GOLGA8A: variants seen among roughly 807,000 people sequenced by gnomAD.
GOLGA8A encodes golgin subfamily A member 8A.
In GOLGA8A, 3 loss-of-function variants were observed where a neutral mutation model predicts 22.1. That is an observed-to-expected ratio of 0.14 (90% CI 0.06 to 0.35). The LOEUF is 0.35. GOLGA8A is among the 10% of genes least tolerant of loss of function. GOLGA8A has a pLI of 1.00. For missense variants in GOLGA8A, 16 were observed against 233.2 expected (o/e 0.07, Z 6.07); for synonymous variants, 7 against 91.7 (o/e 0.08, Z 5.28).
chr15:34,379,732 T>C lies in GOLGA8A; in HGVS notation c.*1679A>G, dbSNP rs1294053275. The C allele has an allele frequency of 1.3e-5, 2 of 152,640 alleles. No homozygotes were observed. The highest frequency in any genetic ancestry group is 4.8e-5 in the African/African-American group (2 of 41,466). 9.5% of individuals were successfully genotyped at this position (152,640 alleles called of 1,614,324 possible). A position where few individuals can be genotyped will look rare whatever the true frequency, so the allele number is the denominator to read the frequency against. On this transcript the variant is annotated 3_prime_UTR_variant, in exon 25 of 25. Transcript: ENST00000359187. Reference sequence around the variant, plus strand: ...CATATCTCCCTACAACCTAATAATGTGATGTGTTTTGGAACACAGACATTA... The same window carrying C: ...CATATCTCCCTACAACCTAATAATGCGATGTGTTTTGGAACACAGACATTA...
chr15:34,429,476 C>G lies in GOLGA8A; in HGVS notation c.-1123+5907G>C, dbSNP rs3866563. Among the ~76,000 whole-genome samples the G allele has an allele frequency of 7.7e-3, 1,114 of 144,732 alleles. 59 individuals are homozygous for G. The highest frequency in any genetic ancestry group is 0.02 in the African/African-American group (759 of 38,500). 94.9% of individuals were successfully genotyped at this position (144,732 alleles called of 152,430 possible). ...GGGCTCTTCTGGCCTGGGCTCTGAA[C>G]GGGCAAACCCACCCACTCTTCTAGG... On this transcript the variant is annotated intron_variant, in intron 2 of 24. Coordinates refer to ENST00000359187, the MANE Select transcript of GOLGA8A (RefSeq NM_181077.5).
intron 2 of GOLGA8A, among the ~76,000 whole-genome samples, chr15:34,431,368 CACTT>C (rs995054504): frequency 2.2e-5 from 3 of 134,694 alleles, no homozygotes; most frequent in African/African-American, 8.5e-5. Flanking sequence ...ACACTCGTGT[CACTT>C]AACGACAGGC....
intron 2 of GOLGA8A, among the ~76,000 whole-genome samples, chr15:34,413,052 G>A (rs1892493905): frequency 2.5e-5 from 1 of 39,864 alleles, no homozygotes; most frequent in Admixed American, 2.6e-4. Context: ...GGGAGCTGGT[G>A]TTTAATGGGT....
chr15:34,424,095 CA>C (rs1248429540), intron 2 of GOLGA8A, among the ~76,000 whole-genome samples: 2 of 148,834 alleles, frequency 1.3e-5, no homozygotes, highest in African/African-American at 2.5e-5. Context: ...ACCCATGTGA[CA>C]GCCCCCGCCA....
chr15:34,402,822 G>A (rs1403919675), intron 5 of GOLGA8A, among the ~76,000 whole-genome samples: 1 of 28,190 alleles, frequency 3.5e-5, no homozygotes, highest in African/African-American at 2.0e-4. Flanking sequence ...ATCATTCTCT[G>A]TATAATGAAA....
At chr15:34,427,071 G>T (rs144255525) in intron 2 of GOLGA8A, among the ~76,000 whole-genome samples, 1 of 147,716 alleles carries the variant, frequency 6.8e-6, no homozygotes, top group East Asian at 2.0e-4. Flanking sequence ...GGTGGCTCAC[G>T]CCTGTAATTG....
chr15:34,426,243 G>C (rs1396964943), intron 2 of GOLGA8A, among the ~76,000 whole-genome samples: 1 of 149,818 alleles, frequency 6.7e-6, no homozygotes, highest in Non-Finnish European at 1.5e-5. Flanking sequence ...GCAAGCGTCA[G>C]AATAACGCTG....
At chr15:34,429,957 C>T (rs747669399) in intron 2 of GOLGA8A, among the ~76,000 whole-genome samples, 5 of 147,844 alleles carry the variant, frequency 3.4e-5, no homozygotes, top group South Asian at 2.2e-4. Context: ...GGAGTTAGGC[C>T]GGGGTTGCCA....
chr15:34,411,460 G>A (rs556443711), intron 2 of GOLGA8A, among the ~76,000 whole-genome samples: 19 of 114,530 alleles, frequency 1.7e-4, no homozygotes, highest in African/African-American at 2.3e-4. Flanking sequence ...GTGTGTGTCT[G>A]TGTACTGAGA....
chr15:34,436,773 G>C (rs1242289609), intron 1 of GOLGA8A, among the ~76,000 whole-genome samples: 4 of 149,978 alleles, frequency 2.7e-5, no homozygotes, highest in Non-Finnish European at 5.9e-5. Context: ...AGTGCCTGGC[G>C]TGGAGAAGGG....
chr15:34,432,678 G>T (rs1198917827), intron 2 of GOLGA8A, among the ~76,000 whole-genome samples: 1 of 149,246 alleles, frequency 6.7e-6, no homozygotes, highest in African/African-American at 2.5e-5. Context: ...AACTAGAGAT[G>T]AAAATATTTT....
chr15:34,434,132 G>C (rs1314257486), intron 2 of GOLGA8A, among the ~76,000 whole-genome samples: 2 of 149,596 alleles, frequency 1.3e-5, no homozygotes, highest in African/African-American at 4.9e-5. Flanking sequence ...ACCCAGGGCA[G>C]ATCTGGGCAA....
intron 2 of GOLGA8A, among the ~76,000 whole-genome samples, chr15:34,424,196 G>C (rs1250462538): frequency 7.1e-6 from 1 of 140,728 alleles, no homozygotes; most frequent in Non-Finnish European, 1.5e-5. Context: ...CACTTAAACT[G>C]TCCACCGGCC....
intron 1 of GOLGA8A, among the ~76,000 whole-genome samples, chr15:34,435,674 TGCA>T (rs1893471317): frequency 6.7e-6 from 1 of 148,700 alleles, no homozygotes. Context: ...GGACTCAGCC[TGCA>T]GCTTCTCCCA....
intron 2 of GOLGA8A, among the ~76,000 whole-genome samples, chr15:34,432,239 G>C (rs934638002): frequency 1.7e-4 from 25 of 149,144 alleles, no homozygotes; most frequent in African/African-American, 5.9e-4. Context: ...GCATTTCCAC[G>C]ACTCTCCGAT....
chr15:34,416,211 AAG>A (rs1209141387), intron 2 of GOLGA8A: 9 of 152,102 alleles, frequency 5.9e-5, no homozygotes, highest in South Asian at 2.1e-4. Flanking sequence ...ACCAACTCCA[AAG>A]ATGAAGCCTG....
intron 2 of GOLGA8A, among the ~76,000 whole-genome samples, chr15:34,431,108 T>C (rs1050772993): frequency 6.7e-6 from 1 of 148,584 alleles, no homozygotes; most frequent in Non-Finnish European, 1.5e-5. Flanking sequence ...CTAGTGGCTT[T>C]ACTATTTTTG....
chr15:34,425,497 A>T lies in GOLGA8A; in HGVS notation c.-1123+9886T>A, dbSNP rs571592426. On this transcript the variant is annotated intron_variant, in intron 2 of 24. Coordinates refer to ENST00000359187, the MANE Select transcript of GOLGA8A (RefSeq NM_181077.5). ...CGAGACTATCAAGTATTAGCAGAAT[A>T]TGCAGGAGGGTGGTTATATACATTA... Among the ~76,000 whole-genome samples the T allele has an allele frequency of 2.1e-5, 3 of 146,004 alleles. No homozygotes were observed. The East Asian group carries it at 6.2e-4, about 30-fold the overall frequency.
At chr15:34,424,408 C>G (rs564279582) in intron 2 of GOLGA8A, among the ~76,000 whole-genome samples, 1 of 140,370 alleles carries the variant, frequency 7.1e-6, no homozygotes, top group African/African-American at 2.6e-5. Context: ...GAAAGGTCGA[C>G]GATGGCAAAT....
Sources: gnomAD v4.1 joint callset for allele counts (sites outside exome capture counted in the v4.1 genomes callset) on GRCh38, gnomAD v4.1.1 for gene constraint, MANE v1.5 for transcripts, NCBI Gene and HGNC (gene_info 2026-07-23, HGNC 2026-07-21) for gene names.